CYB5B: variants seen among roughly 807,000 people sequenced by gnomAD.
CYB5B encodes cytochrome b5 type B.
CYB5B carries 14 observed loss-of-function variants against 21.3 expected under a neutral mutation model. That is an observed-to-expected ratio of 0.66 (90% CI 0.43 to 1.03). The LOEUF (loss-of-function observed/expected upper bound fraction) is 1.03, where lower values mean the gene tolerates loss of function less well. Among genes scored for constraint, CYB5B ranks in the 50% least tolerant of loss-of-function variants. CYB5B has a pLI of 0.00. For missense variants in CYB5B, 166 were observed against 185.1 expected, an observed-to-expected ratio of 0.90 and a Z score of 0.60; for synonymous variants, 69 against 68.4, an observed-to-expected ratio of 1.01 and a Z score of -0.04.
chr16:69,435,827 C>G (rs1270267555), intron 1 of CYB5B, among the ~76,000 whole-genome samples: 1 of 152,030 alleles, frequency 6.6e-6, no homozygotes, highest in African/African-American at 2.4e-5. Context: ...TTAATAGAGA[C>G]AGGGTTTCCC....
intron 1 of CYB5B, among the ~76,000 whole-genome samples, chr16:69,432,613 G>A (rs929212206): frequency 1.3e-5 from 2 of 152,034 alleles, no homozygotes; most frequent in African/African-American, 4.8e-5. Flanking sequence ...ATTTGCCCTC[G>A]TAGTCGTCAT....
At chr16:69,432,421 A>T (rs1167987784) in intron 1 of CYB5B, among the ~76,000 whole-genome samples, 1 of 152,236 alleles carries the variant, frequency 6.6e-6, no homozygotes, top group East Asian at 1.9e-4. Context: ...GCCCAACTGT[A>T]GGCTAACGTA....
chr16:69,462,634 T>A lies in CYB5B; in HGVS notation c.*114T>A. ...ATCCTGCCAGTTGCATTCTTCCCCC[T>A]TGGAGCCAAGACGATTGGCCAGACA... On this transcript the variant is annotated 3_prime_UTR_variant, in exon 5 of 5. Transcript: ENST00000307892. 1 of 846,660 alleles carries A rather than the reference T, an allele frequency of 1.2e-6. No homozygotes were observed. Among genetic ancestry groups the A allele is most frequent in the Non-Finnish European group, 1.9e-6 (1 of 515,132 alleles). 52.4% of individuals were successfully genotyped at this position (846,660 alleles called of 1,614,324 possible).
intron 3 of CYB5B, among the ~76,000 whole-genome samples, chr16:69,457,056 G>A (rs915114892): frequency 5.3e-5 from 8 of 151,914 alleles, no homozygotes; most frequent in African/African-American, 1.7e-4. Context: ...TTTTTTTTGC[G>A]TCCCCAGGGA....
At chr16:69,462,234 C>A (rs906515503) in intron 4 of CYB5B, among the ~76,000 whole-genome samples, 196 bp from the exon 5 acceptor site, 1 of 152,064 alleles carries the variant, frequency 6.6e-6, no homozygotes, top group Non-Finnish European at 1.5e-5. Context: ...TTGTTTTTAA[C>A]CTTTTAAAAA....
chr16:69,425,513 T>A (rs1034981299), intron 1 of CYB5B, among the ~76,000 whole-genome samples: 2 of 152,204 alleles, frequency 1.3e-5, no homozygotes, highest in African/African-American at 4.8e-5. Flanking sequence ...ATTTTAAAAA[T>A]TATTTTTGAG....
intron 3 of CYB5B, among the ~76,000 whole-genome samples, chr16:69,451,779 G>A (rs1179700042): frequency 1.3e-5 from 2 of 151,622 alleles, no homozygotes; most frequent in African/African-American, 2.4e-5. Context: ...GTGAAACCCC[G>A]TCTCTACTAA....
At position 69,426,692 on chromosome 16, in the gene CYB5B, G is replaced by A. The variant is rs557629602; in HGVS notation, c.174+1835G>A. On this transcript the variant is annotated intron_variant, in intron 1 of 4. Transcript: ENST00000307892. ...TGCACTCCAGCCTGGGCGACAGAGC[G>A]AGACTCCAAAAAAAAAAAAAAAAAA... 4.3e-4 allele frequency among the ~76,000 whole-genome samples: 39 copies of A among 90,924 alleles called. 1 individual carries two copies. The South Asian group carries it at 0.014, about 33-fold the overall frequency. The allele number at this position is 90,924 out of a possible 152,430, so 59.6% of individuals were successfully genotyped here.
intron 3 of CYB5B, chr16:69,449,139 A>T (rs1359482306): frequency 1.3e-5 from 2 of 152,194 alleles, no homozygotes; most frequent in East Asian, 3.8e-4. Context: ...ATGGTTCTTA[A>T]AACACTTTGT....
chr16:69,428,953 CA>C lies in CYB5B; in HGVS notation c.174+4097del, dbSNP rs781299017. On this transcript the variant is annotated intron_variant, in intron 1 of 4. Coordinates refer to ENST00000307892, the MANE Select transcript of CYB5B (RefSeq NM_030579.3). ...TAGTTGCACATGAGATCAGAATGATCAGGGGAGGACAAATCATGTACAACTT... is the reference window on the plus strand; with the variant it reads ...TAGTTGCACATGAGATCAGAATGATCGGGGAGGACAAATCATGTACAACTT... Among the ~76,000 whole-genome samples, 8 of 152,138 alleles carry C rather than the reference CA, an allele frequency of 5.3e-5. 1 individual carries two copies. The highest frequency in any genetic ancestry group is 1.4e-4 in the African/African-American group (6 of 41,432).
chr16:69,434,502 T>A (rs917166159), intron 1 of CYB5B, among the ~76,000 whole-genome samples: 1 of 152,202 alleles, frequency 6.6e-6, no homozygotes, highest in African/African-American at 2.4e-5. Context: ...ACAATGTAGG[T>A]TTTCCAGTTT....
At chr16:69,440,685 G>A (rs1474436763) in intron 1 of CYB5B, among the ~76,000 whole-genome samples, 1 of 151,598 alleles carries the variant, frequency 6.6e-6, no homozygotes, top group Non-Finnish European at 1.5e-5. Flanking sequence ...TGCTGTAGAT[G>A]TTTGGGCTGT....
rs201614686 is a variant in CYB5B at position 69,447,168 on chromosome 16, G to C, written c.193G>C (p.Val65Leu). The C allele has an allele frequency of 1.2e-3, 1,918 of 1,614,044 alleles. 1 individual carries two copies. Among genetic ancestry groups the C allele is most frequent in the Non-Finnish European group, 1.5e-3 (1,745 of 1,179,982 alleles). ...CTTGTAGCACCCTGGAGGAGAAGAGGTTCTGCTGGAACAAGCTGGTGTAGA... is the reference window on the plus strand; with the variant it reads ...CTTGTAGCACCCTGGAGGAGAAGAGCTTCTGCTGGAACAAGCTGGTGTAGA... ...FLNEHPGGEE[V>L]LLEQAGVDAS... The change falls in exon 2 of 5, where the codon GTT (valine) becomes CTT (leucine). Residue 65 changes from valine to leucine, a missense_variant. Val to Leu is a conservative substitution (Grantham distance 32). Coordinates refer to ENST00000307892, the MANE Select transcript of CYB5B (RefSeq NM_030579.3).
chr16:69,453,251 A>G (rs772094311), intron 3 of CYB5B, among the ~76,000 whole-genome samples: 31 of 152,148 alleles, frequency 2.0e-4, no homozygotes, highest in Non-Finnish European at 3.1e-4. Context: ...TTTTTCTCCC[A>G]GATGCTACTG....
chr16:69,433,247 A>G (rs943866619), intron 1 of CYB5B, among the ~76,000 whole-genome samples: 1 of 152,206 alleles, frequency 6.6e-6, no homozygotes, highest in Admixed American at 6.5e-5. Flanking sequence ...GTTAGAACAG[A>G]TACCCCTTTC....
intron 1 of CYB5B, among the ~76,000 whole-genome samples, chr16:69,432,783 G>A (rs2014719575): frequency 6.6e-6 from 1 of 152,026 alleles, no homozygotes; most frequent in Admixed American, 6.6e-5. Context: ...ATCAAGCACT[G>A]TGACCCTATA....
Position 69,453,880 on chromosome 16 carries a change from A to G in CYB5B, c.334-5213A>G, listed in dbSNP as rs1475513289. Among the ~76,000 whole-genome samples, 3 of 152,136 alleles carry G rather than the reference A, an allele frequency of 2.0e-5. No homozygotes were observed. The East Asian group carries it at 5.8e-4, about 29-fold the overall frequency. On this transcript the variant is annotated intron_variant, in intron 3 of 4. Transcript: ENST00000307892. ...TGCACCTGGCTTATTTCCCATTTTC[A>G]TATACACTTATATTTTGTAACATAA...
intron 1 of CYB5B, among the ~76,000 whole-genome samples, chr16:69,434,461 C>G (rs2014739021): frequency 6.6e-6 from 1 of 152,284 alleles, no homozygotes; most frequent in South Asian, 2.1e-4. Flanking sequence ...GAGCATTTTC[C>G]AAAGTGTTTA....
At chr16:69,437,941 AT>A (rs2014777823) in intron 1 of CYB5B, among the ~76,000 whole-genome samples, 1 of 152,142 alleles carries the variant, frequency 6.6e-6, no homozygotes, top group South Asian at 2.1e-4. Context: ...CATTTTATTA[AT>A]TGTTAAGCAT....
Sources: gnomAD v4.1 joint callset for allele counts (sites outside exome capture counted in the v4.1 genomes callset) on GRCh38, gnomAD v4.1.1 for gene constraint, MANE v1.5 for transcripts, NCBI Gene and HGNC (gene_info 2026-07-23, HGNC 2026-07-21) for gene names.